KBTBD12: variants seen among roughly 807,000 people sequenced by gnomAD.
KBTBD12 encodes kelch repeat and BTB domain-containing protein 12.
Under a neutral mutation model 58.7 loss-of-function variants are expected in KBTBD12, and 53 were observed. The ratio of observed to expected loss-of-function variants is 0.90; its 90% CI spans 0.72 to 1.14. The LOEUF (loss-of-function observed/expected upper bound fraction) is 1.14, where lower values mean the gene tolerates loss of function less well. KBTBD12 is among the 50% of genes most tolerant of loss of function. KBTBD12 has a pLI of 0.00. For missense variants in KBTBD12, 704 were observed against 751.3 expected (o/e 0.94, Z 0.74); for synonymous variants, 236 against 259.8 (o/e 0.91, Z 0.88).
chr3:127,981,537 T>A (rs999760451), intron 5 of KBTBD12, among the ~76,000 whole-genome samples: 5 of 152,204 alleles, frequency 3.3e-5, no homozygotes, highest in African/African-American at 1.2e-4. Context: ...GGGATTTATT[T>A]CATTAGGTTT....
chr3:127,927,741 G>T, intron 2 of KBTBD12, 23 bp from the exon 3 acceptor site: 1 of 1,440,912 alleles, frequency 6.9e-7, no homozygotes, highest in Non-Finnish European at 9.2e-7. Flanking sequence ...TCTAATCCTG[G>T]ATACTCTCTC....
chr3:127,925,739 A>G (rs1457310663), intron 2 of KBTBD12, among the ~76,000 whole-genome samples: 1 of 152,180 alleles, frequency 6.6e-6, no homozygotes. Context: ...ATTTCTTCCA[A>G]TAATGAAATT....
chr3:127,975,545 A>C (rs1177917199), intron 5 of KBTBD12, among the ~76,000 whole-genome samples: 1 of 152,176 alleles, frequency 6.6e-6, no homozygotes, highest in Admixed American at 6.5e-5. Flanking sequence ...GTGATAGCAG[A>C]CTGTCATTGT....
At chr3:127,974,413 C>T (rs1348316533) in intron 5 of KBTBD12, among the ~76,000 whole-genome samples, 2 of 152,258 alleles carry the variant, frequency 1.3e-5, no homozygotes, top group Admixed American at 1.3e-4. Context: ...CATCCTGTAC[C>T]GTCACTCCAG....
chr3:127,949,781 A>G (rs143306040), intron 4 of KBTBD12, among the ~76,000 whole-genome samples: 2 of 152,188 alleles, frequency 1.3e-5, no homozygotes, highest in African/African-American at 2.4e-5. Flanking sequence ...AGTAAGGGAG[A>G]TGAGGCTGCT....
At chr3:127,940,006 A>C (rs947185250) in intron 4 of KBTBD12, among the ~76,000 whole-genome samples, 1 of 152,150 alleles carries the variant, frequency 6.6e-6, no homozygotes, top group Non-Finnish European at 1.5e-5. Context: ...AAATTACCAG[A>C]GGCATGGAAG....
chr3:127,982,126 G>A (rs934539963), intron 5 of KBTBD12, among the ~76,000 whole-genome samples: 3 of 152,184 alleles, frequency 2.0e-5, no homozygotes, highest in Admixed American at 6.5e-5. Context: ...TTCCTCTCTG[G>A]CTTCTGGATG....
chr3:127,977,906 G>GT (rs1940811251), intron 5 of KBTBD12, among the ~76,000 whole-genome samples: 1 of 152,078 alleles, frequency 6.6e-6, no homozygotes, highest in African/African-American at 2.4e-5. Context: ...TTGCTGGAGT[G>GT]TATGTCCAGA....
intron 1 of KBTBD12, among the ~76,000 whole-genome samples, chr3:127,918,076 G>A (rs1415635047): frequency 6.6e-6 from 1 of 152,142 alleles, no homozygotes; most frequent in Admixed American, 6.5e-5. Flanking sequence ...TAGGCATAGT[G>A]GTGCATGTAG....
intron 5 of KBTBD12, among the ~76,000 whole-genome samples, chr3:127,964,525 C>A (rs1189181029): frequency 6.6e-6 from 1 of 150,990 alleles, no homozygotes; most frequent in Non-Finnish European, 1.5e-5. Context: ...GCCTGTAATC[C>A]CAGCTACTCG....
At position 127,915,573 on chromosome 3, in the gene KBTBD12, C is replaced by T. The variant is rs890196935; in HGVS notation, c.-126C>T. ...CAGCGAGTGGGGACGCGCCCCGAACCAGGCAGCACCTTCGTAAGTAGGGGT... is the reference window on the plus strand; with the variant it reads ...CAGCGAGTGGGGACGCGCCCCGAACTAGGCAGCACCTTCGTAAGTAGGGGT... On this transcript the variant is annotated 5_prime_UTR_variant, in exon 1 of 6. Coordinates refer to ENST00000405109, the MANE Select transcript of KBTBD12 (RefSeq NM_207335.4). 2.0e-5 allele frequency: 3 copies of T among 152,330 alleles called. No homozygotes were observed. The highest frequency in any genetic ancestry group is 7.2e-5 in the African/African-American group (3 of 41,478). The allele number at this position is 152,330 out of a possible 1,614,324, so 9.4% of individuals were successfully genotyped here. A position where few individuals can be genotyped will look rare whatever the true frequency, so the allele number is the denominator to read the frequency against.
chr3:127,963,245 G>A lies in KBTBD12; in HGVS notation c.1549G>A (p.Val517Met). ...CCAGGTTCGAAAATGCCTTGACGTG[G>A]TGGAGATCTACAACCCAGATGGGGA... ...KGQVRKCLDV[V>M]EIYNPDGDFW... Residue 517 changes from valine (V) to methionine (M), a missense_variant, in exon 5 of 6, where the codon GTG becomes ATG. Transcript: ENST00000405109. 2 of 1,612,896 alleles carry A rather than the reference G, an allele frequency of 1.2e-6. No individual in the cohort carries two copies. The highest frequency in any genetic ancestry group is 2.7e-5 in the African/African-American group (2 of 74,990).
At chr3:127,957,644 A>T (rs1559770253) in intron 4 of KBTBD12, among the ~76,000 whole-genome samples, 1 of 151,836 alleles carries the variant, frequency 6.6e-6, no homozygotes, top group African/African-American at 2.4e-5. Flanking sequence ...CGCTCCCCCA[A>T]CCGCCACCAA....
In KBTBD12 at chr3:127,927,666, A is replaced by G. The variant is rs184976031; in HGVS notation, c.1071-98A>G. On this transcript the variant is annotated intron_variant, in intron 2 of 5. Coordinates refer to ENST00000405109, the MANE Select transcript of KBTBD12 (RefSeq NM_207335.4). ...TTTGTCCTCCAATTGGAAGAACCATATCTCATTATTTTTGGTCAGAAAATA... is the reference window on the plus strand; with the variant it reads ...TTTGTCCTCCAATTGGAAGAACCATGTCTCATTATTTTTGGTCAGAAAATA... The G allele has an allele frequency of 5.5e-6, 5 of 906,138 alleles. No homozygotes were observed. The Admixed American group carries it at 1.1e-4, about 19-fold the overall frequency. The allele number at this position is 906,138 out of a possible 1,614,324, so 56.1% of individuals were successfully genotyped here.
At chr3:127,946,184 C>T (rs183067605) in intron 4 of KBTBD12, among the ~76,000 whole-genome samples, 1 of 152,226 alleles carries the variant, frequency 6.6e-6, no homozygotes, top group Admixed American at 6.5e-5. Context: ...CTTTAAACAA[C>T]CTGTTATGTT....
intron 4 of KBTBD12, among the ~76,000 whole-genome samples, chr3:127,952,675 A>G (rs1021673027): frequency 2.0e-5 from 3 of 152,254 alleles, no homozygotes; most frequent in African/African-American, 7.2e-5. Flanking sequence ...CACAGCACCA[A>G]TACTCAGACA....
Position 127,963,248 on chromosome 3 carries a change from G to A in KBTBD12, c.1552G>A (p.Glu518Lys). 6.2e-7 allele frequency: 1 copy of A among 1,612,802 alleles called. No individual in the cohort carries two copies. The highest frequency in any genetic ancestry group is 8.5e-7 in the Non-Finnish European group (1 of 1,179,526). The change falls in exon 5 of 6, where the codon GAG (glutamate) becomes AAG (lysine). Residue 518 changes from glutamate (E) to lysine (K), a missense_variant. Physicochemically the swap from Glu to Lys is moderately conservative, Grantham distance 56. Coordinates refer to ENST00000405109, the MANE Select transcript of KBTBD12 (RefSeq NM_207335.4). ...GQVRKCLDVV[E>K]IYNPDGDFWR... is the part of the protein sequence containing the mutation. ...GGTTCGAAAATGCCTTGACGTGGTG[G>A]AGATCTACAACCCAGATGGGGACTT...
chr3:127,958,887 C>G (rs1940372603), intron 4 of KBTBD12, among the ~76,000 whole-genome samples: 1 of 152,156 alleles, frequency 6.6e-6, no homozygotes, highest in African/African-American at 2.4e-5. Flanking sequence ...CATGGGGGCC[C>G]AGCAGCCCTG....
At chr3:127,966,909 A>G (rs1259171737) in intron 5 of KBTBD12, among the ~76,000 whole-genome samples, 1 of 152,268 alleles carries the variant, frequency 6.6e-6, no homozygotes, top group East Asian at 1.9e-4. Context: ...AGACTTCTGA[A>G]TGATGACATT....
Sources: gnomAD v4.1 joint callset for allele counts (sites outside exome capture counted in the v4.1 genomes callset) on GRCh38, gnomAD v4.1.1 for gene constraint, MANE v1.5 for transcripts, NCBI Gene and HGNC (gene_info 2026-07-23, HGNC 2026-07-21) for gene names.